ANO1: variants seen among roughly 807,000 people sequenced by gnomAD.
ANO1 encodes anoctamin 1, also known as anoctamin-1.
ANO1 carries 59 observed loss-of-function variants against 124.0 expected under a neutral mutation model. The ratio of observed to expected loss-of-function variants is 0.48; its 90% confidence interval spans 0.39 to 0.59. The LOEUF (loss-of-function observed/expected upper bound fraction) is 0.59, where lower values mean the gene tolerates loss of function less well. ANO1 is among the 20% of genes least tolerant of loss of function. The pLI, the probability that ANO1 is intolerant of heterozygous loss-of-function variation, is 0.00. For missense variants in ANO1, 1,059 were observed against 1,328.0 expected (o/e 0.80, Z 3.15); for synonymous variants, 529 against 532.0 (o/e 0.99, Z 0.08).
intron 1 of ANO1, among the ~76,000 whole-genome samples, chr11:69,988,183 A>G (rs1258943059): frequency 6.6e-6 from 1 of 152,206 alleles, no homozygotes; most frequent in African/African-American, 2.4e-5. Context: ...CTTCGCCCGT[A>G]AATAGGAAAT....
intron 2 of ANO1, among the ~76,000 whole-genome samples, chr11:70,094,404 G>A (rs1351093055): frequency 6.6e-6 from 1 of 152,238 alleles, no homozygotes; most frequent in Non-Finnish European, 1.5e-5. Context: ...CCTGGGCACT[G>A]GCAGGGGCTG....
intron 7 of ANO1, among the ~76,000 whole-genome samples, chr11:70,112,530 T>TGTCCTAAC (rs2045823788): frequency 1.3e-5 from 2 of 151,194 alleles, no homozygotes; most frequent in Admixed American, 1.3e-4. Flanking sequence ...AATCATAACT[T>TGTCCTAAC]GTCCTAACTC....
At chr11:70,019,566 T>TGTG (rs3078428) in intron 1 of ANO1, among the ~76,000 whole-genome samples, 1 of 151,600 alleles carries the variant, frequency 6.6e-6, no homozygotes, top group African/African-American at 2.4e-5. Context: ...GAGCCAATTG[T>TGTG]ATCTTCCCAA....
chr11:70,083,556 G>A (rs139529738), intron 1 of ANO1, among the ~76,000 whole-genome samples: 626 of 152,280 alleles, frequency 4.1e-3, no homozygotes, highest in Non-Finnish European at 6.3e-3. Context: ...ATGGGGGTTC[G>A]TATTGAACCT....
intron 1 of ANO1, chr11:70,065,371 TA>T (rs1226389604): frequency 7.9e-5 from 12 of 152,314 alleles, no homozygotes; most frequent in African/African-American, 2.9e-4. Flanking sequence ...GGGCCTTGAC[TA>T]AAATGTGTTT....
chr11:70,185,071 G>T (rs937173376), intron 24 of ANO1, among the ~76,000 whole-genome samples: 1 of 152,172 alleles, frequency 6.6e-6, no homozygotes, highest in Non-Finnish European at 1.5e-5. Context: ...CCCTCAAAGA[G>T]GGGATGGACT....
At chr11:70,027,846 C>T (rs1856935851) in intron 1 of ANO1, among the ~76,000 whole-genome samples, 1 of 152,156 alleles carries the variant, frequency 6.6e-6, no homozygotes, top group Admixed American at 6.6e-5. Context: ...CGTGGTTAAG[C>T]TGCCACCACG....
intron 1 of ANO1, among the ~76,000 whole-genome samples, chr11:70,028,892 C>T (rs926129483): frequency 4.6e-5 from 7 of 152,320 alleles, no homozygotes; most frequent in Admixed American, 3.3e-4. Context: ...AGTGATTCTC[C>T]TGCCTCAGCC....
intron 20 of ANO1, among the ~76,000 whole-genome samples, 162 bp from the exon 21 acceptor site, chr11:70,167,080 G>T (rs3781654): frequency 0.31 from 47,506 of 152,044 alleles, 8,415 homozygotes; most frequent in East Asian, 0.49. Flanking sequence ...CAAGGAGGCA[G>T]AGGTTGCAGT....
the ANO1 span, among the ~76,000 whole-genome samples, chr11:69,967,369 C>T: frequency 1.7e-3 from 263 of 152,346 alleles, no homozygotes; most frequent in African/African-American, 6.0e-3. Context: ...AGGCTCTGAG[C>T]GTAGCCTTCA....
the ANO1 span, among the ~76,000 whole-genome samples, chr11:69,970,928 G>A: frequency 6.6e-6 from 1 of 152,170 alleles, no homozygotes; most frequent in Non-Finnish European, 1.5e-5. Flanking sequence ...AAACAGAAAG[G>A]GCAAAGAGAG....
At chr11:70,149,879 G>A (rs1446061598) in intron 12 of ANO1, 87 bp downstream of exon 12, 6 of 1,456,902 alleles carry the variant, frequency 4.1e-6, no homozygotes, top group East Asian at 2.4e-5. Context: ...ACGGAGGCCC[G>A]AGGTCAGAAA....
chr11:70,002,567 G>A (rs1290554550), intron 1 of ANO1, among the ~76,000 whole-genome samples: 1 of 151,722 alleles, frequency 6.6e-6, no homozygotes, highest in Non-Finnish European at 1.5e-5. Context: ...AATGGGCCAC[G>A]CCATACAGCC....
At chr11:70,156,476 G>A (rs975894382) in intron 15 of ANO1, among the ~76,000 whole-genome samples, 4 of 152,206 alleles carry the variant, frequency 2.6e-5, no homozygotes, top group Non-Finnish European at 4.4e-5. Flanking sequence ...CACCGCAGAC[G>A]ACGTTTTAAC....
At chr11:70,121,563 C>G (rs572544543) in intron 8 of ANO1, among the ~76,000 whole-genome samples, 2 of 121,268 alleles carry the variant, frequency 1.6e-5, no homozygotes, top group South Asian at 5.2e-4. Flanking sequence ...TCCCACCTCT[C>G]TCTATCTGTC....
At chr11:70,016,685 G>T (rs1172067422) in intron 1 of ANO1, among the ~76,000 whole-genome samples, 2 of 152,222 alleles carry the variant, frequency 1.3e-5, no homozygotes, top group African/African-American at 2.4e-5. Context: ...GCACAATCCC[G>T]CCAGGGACCT....
chr11:70,034,469 G>A (rs948921477), intron 1 of ANO1, among the ~76,000 whole-genome samples: 4 of 152,186 alleles, frequency 2.6e-5, no homozygotes, highest in Admixed American at 6.5e-5. Flanking sequence ...AGGAGAGGGA[G>A]TCAACCTTTC....
chr11:70,091,239 G>A (rs1011969021), intron 2 of ANO1, among the ~76,000 whole-genome samples: 43 of 152,286 alleles, frequency 2.8e-4, no homozygotes, highest in African/African-American at 9.6e-4. Flanking sequence ...AAGGGTTTGC[G>A]ATTTTGAAAA....
intron 1 of ANO1, among the ~76,000 whole-genome samples, chr11:70,066,735 C>T (rs1387371375): frequency 6.6e-6 from 1 of 152,140 alleles, no homozygotes; most frequent in African/African-American, 2.4e-5. Flanking sequence ...GGCAGGGATG[C>T]TGCCAGCTCC....
Sources: allele counts gnomAD v4.1 joint callset (sites outside exome capture counted in the v4.1 genomes callset), GRCh38; gene constraint gnomAD v4.1.1; transcripts MANE v1.5; gene names NCBI Gene and HGNC (gene_info 2026-07-23, HGNC 2026-07-21).